ZNF267: variants seen among roughly 807,000 people sequenced by gnomAD.
ZNF267 encodes the protein zinc finger protein 267.
In ZNF267, 61 loss-of-function variants were observed where a neutral mutation model predicts 71.6. The ratio of observed to expected loss-of-function variants is 0.85; its 90% CI spans 0.69 to 1.05. ZNF267 has a LOEUF of 1.05. Ranked by LOEUF, ZNF267 falls within the 50% of genes least tolerant of loss-of-function variation. The pLI, the probability that ZNF267 is intolerant of heterozygous loss-of-function variation, is 0.00. For missense variants in ZNF267, 852 were observed against 870.0 expected (o/e 0.98, Z 0.26); for synonymous variants, 288 against 293.2 (o/e 0.98, Z 0.18).
chr16:31,891,282 T>C (rs181890069), intron 3 of ZNF267, among the ~76,000 whole-genome samples: 2 of 152,362 alleles, frequency 1.3e-5, no homozygotes, highest in Non-Finnish European at 2.9e-5. Flanking sequence ...TTATACTGTG[T>C]ATTCATTAAC....
chr16:31,886,937 G>A (rs577163092), intron 3 of ZNF267, among the ~76,000 whole-genome samples: 64 of 152,152 alleles, frequency 4.2e-4, no homozygotes, highest in East Asian at 7.7e-4. Context: ...AGGTGCCTTC[G>A]TGCCATTTTT....
chr16:31,915,220 G>T lies in ZNF267; in HGVS notation c.971G>T (p.Cys324Phe). Residue 324 changes from cysteine (C) to phenylalanine (F), a missense_variant, in exon 4 of 4, where the codon TGT becomes TTT. Coordinates refer to ENST00000300870, the MANE Select transcript of ZNF267 (RefSeq NM_003414.6). ...CATAATGAAGAGAAACCATACAAAT[G>T]TGAAAAATGTGGGGATAGCTTAAAC... ...IIHNEEKPYKCEKCGDSLNHS... is the reference protein window; with the variant it reads ...IIHNEEKPYKFEKCGDSLNHS... The T allele has an allele frequency of 6.2e-7, 1 of 1,613,772 alleles. No individual in the cohort carries two copies. The highest frequency in any genetic ancestry group is 8.5e-7 in the Non-Finnish European group (1 of 1,179,900).
chr16:31,904,996 C>T (rs1329486522), intron 3 of ZNF267, among the ~76,000 whole-genome samples: 1 of 152,148 alleles, frequency 6.6e-6, no homozygotes, highest in Non-Finnish European at 1.5e-5. Context: ...GACAAAATCT[C>T]TCAGCATTTG....
At chr16:31,880,938 C>T (rs1226208885) in intron 1 of ZNF267, among the ~76,000 whole-genome samples, 1 of 152,184 alleles carries the variant, frequency 6.6e-6, no homozygotes, top group Non-Finnish European at 1.5e-5. Flanking sequence ...AATTCAACAT[C>T]ATGTGGTCAG....
At position 31,914,491 on chromosome 16, in the gene ZNF267, A is replaced by T. The variant is rs200433344; in HGVS notation, c.242A>T (p.Tyr81Phe). ...TATCTTTCAGATGTGTTTTCGCATT[A>T]TAACAAGGACCTGTTGACAGAGCAC... ...VAIQPDVFSH[Y>F]NKDLLTEHCT... is the part of the protein sequence containing the mutation. The change falls in exon 4 of 4, where the codon TAT becomes TTT. Residue 81 changes from tyrosine to phenylalanine, a missense_variant. Physicochemically the swap from Tyr to Phe is conservative, Grantham distance 22. Transcript: ENST00000300870. The T allele has an allele frequency of 1.8e-5, 28 of 1,580,410 alleles. No homozygotes were observed. Among genetic ancestry groups the T allele is most frequent in the Non-Finnish European group, 2.1e-5 (25 of 1,167,156 alleles).
At chr16:31,893,813 ATC>A (rs2083977575) in intron 3 of ZNF267, among the ~76,000 whole-genome samples, 1 of 152,152 alleles carries the variant, frequency 6.6e-6, no homozygotes, top group Non-Finnish European at 1.5e-5. Context: ...TTCCCTGAGA[ATC>A]TCTGTGTGGG....
intron 3 of ZNF267, among the ~76,000 whole-genome samples, chr16:31,901,155 A>G (rs1596624205): frequency 6.6e-6 from 1 of 152,082 alleles, no homozygotes; most frequent in African/African-American, 2.4e-5. Flanking sequence ...GCTGCATAGT[A>G]TTCCATGGTG....
At chr16:31,907,251 C>G (rs1308320140) in intron 3 of ZNF267, among the ~76,000 whole-genome samples, 1 of 152,104 alleles carries the variant, frequency 6.6e-6, no homozygotes, top group African/African-American at 2.4e-5. Context: ...TTGGAAAATT[C>G]TTAGTCATTA....
intron 3 of ZNF267, among the ~76,000 whole-genome samples, chr16:31,908,667 A>C (rs1359826449): frequency 6.6e-6 from 1 of 152,066 alleles, no homozygotes; most frequent in Non-Finnish European, 1.5e-5. Flanking sequence ...GGTTATTGAA[A>C]AAAAACTGTC....
At chr16:31,889,911 T>C (rs75027320) in intron 3 of ZNF267, among the ~76,000 whole-genome samples, 2,026 of 152,328 alleles carry the variant, frequency 0.013, 55 homozygotes, top group African/African-American at 0.046. Context: ...ACATCCACAC[T>C]GTATCACACA....
At chr16:31,911,942 G>C (rs1015089295) in intron 3 of ZNF267, 2 of 151,360 alleles carry the variant, frequency 1.3e-5, no homozygotes, top group Non-Finnish European at 2.9e-5. Flanking sequence ...AAGAAAACTA[G>C]TAAAAACTCT....
chr16:31,906,870 C>T (rs1057483740), intron 3 of ZNF267, among the ~76,000 whole-genome samples: 12 of 152,038 alleles, frequency 7.9e-5, no homozygotes, highest in Admixed American at 4.6e-4. Context: ...CTGCGTGGCT[C>T]AGGCTGGGAG....
chr16:31,907,308 G>A (rs985291867), intron 3 of ZNF267, among the ~76,000 whole-genome samples: 4 of 152,080 alleles, frequency 2.6e-5, no homozygotes, highest in African/African-American at 9.7e-5. Flanking sequence ...GAATTCTCAT[G>A]AGTATGTTGG....
At chr16:31,897,061 G>A (rs2084004685) in intron 3 of ZNF267, among the ~76,000 whole-genome samples, 1 of 150,668 alleles carries the variant, frequency 6.6e-6, no homozygotes, top group Admixed American at 6.6e-5. Flanking sequence ...AATTGGAAAC[G>A]AGGAAGTTAA....
rs753327586 is a variant in ZNF267, at chr16:31,916,530, G to C, written c.*49G>C. 1 of 1,528,038 alleles carries C rather than the reference G, an allele frequency of 6.5e-7. No homozygotes were observed. Among genetic ancestry groups the C allele is most frequent in the Admixed American group, 1.9e-5 (1 of 51,878 alleles). 94.7% of individuals were successfully genotyped at this position (1,528,038 alleles called of 1,614,324 possible). ...TTTTACTTGTTACCCATGTCTTATT[G>C]TGCATCAGATAATTTATATGGGAGT... On this transcript the variant is annotated 3_prime_UTR_variant, in exon 4 of 4. Coordinates refer to ENST00000300870, the MANE Select transcript of ZNF267 (RefSeq NM_003414.6).
chr16:31,901,873 C>T (rs1429649505), intron 3 of ZNF267, among the ~76,000 whole-genome samples: 10 of 152,162 alleles, frequency 6.6e-5, no homozygotes, highest in Admixed American at 5.9e-4. Flanking sequence ...CTTGCCCATG[C>T]CTATGTCCTG....
intron 3 of ZNF267, among the ~76,000 whole-genome samples, chr16:31,908,296 T>G (rs2084108090): frequency 6.6e-6 from 1 of 152,206 alleles, no homozygotes; most frequent in African/African-American, 2.4e-5. Context: ...ATATTCTGAT[T>G]ATTGATCCTT....
In ZNF267 at chr16:31,914,967, C is replaced by G; in HGVS notation, c.718C>G (p.Leu240Val). The G allele has an allele frequency of 1.9e-6, 3 of 1,609,216 alleles. No homozygotes were observed. The highest frequency in any genetic ancestry group is 1.7e-6 in the Non-Finnish European group (2 of 1,178,700). The change falls in exon 4 of 4, where the codon CTA becomes GTA. Residue 240 changes from leucine (L) to valine (V), a missense_variant. Physicochemically the swap from Leu to Val is conservative, Grantham distance 32 (BLOSUM62 1). Coordinates refer to ENST00000300870, the MANE Select transcript of ZNF267 (RefSeq NM_003414.6). ...SPKNHQENYF[L>V]EKQYKCKEFE... The stretch of plus-strand genomic sequence containing the variant: ...TAAAAATCATCAGGAAAATTATTTT[C>G]TAGAAAAACAATACAAATGTAAAGA...
rs752501728 is a variant in ZNF267 at position 31,915,233 on chromosome 16, G to A, written c.984G>A (p.Gly328=). The part of the protein sequence containing the change: ...EEKPYKCEKC[G]DSLNHSLHLT... ...AACCATACAAATGTGAAAAATGTGG[G>A]GATAGCTTAAACCATAGTTTGCACC... The change falls in exon 4 of 4, where the codon GGG becomes GGA. Residue 328 remains glycine (G), a synonymous_variant. Transcript: ENST00000300870. 1 of 1,613,770 alleles carries A rather than the reference G, an allele frequency of 6.2e-7. No individual in the cohort carries two copies. The highest frequency in any genetic ancestry group is 1.1e-5 in the South Asian group (1 of 91,040).
Sources: gnomAD v4.1 joint callset for allele counts (sites outside exome capture counted in the v4.1 genomes callset) on GRCh38, gnomAD v4.1.1 for gene constraint, MANE v1.5 for transcripts, NCBI Gene and HGNC (gene_info 2026-07-23, HGNC 2026-07-21) for gene names.